Variants in VTI1A observed in about 807,000 individuals in gnomAD.
The protein encoded by VTI1A is vesicle transport through interaction with t-SNAREs 1A.
A neutral mutation model predicts 34.9 loss-of-function variants in VTI1A; 22 were observed. The ratio of observed to expected loss-of-function variants is 0.63; its 90% CI spans 0.45 to 0.90. The LOEUF (loss-of-function observed/expected upper bound fraction) is 0.90, where lower values mean the gene tolerates loss of function less well. Ranked by LOEUF, VTI1A falls within the 40% of genes least tolerant of loss-of-function variation. The pLI is 0.00. For synonymous variants in VTI1A, 87 were observed against 97.3 expected (o/e 0.89, Z 0.62); for missense variants, 268 against 275.6 (o/e 0.97, Z 0.20).
the VTI1A span, among the ~76,000 whole-genome samples, chr10:112,830,605 G>T: frequency 6.7e-6 from 1 of 150,312 alleles, no homozygotes; most frequent in East Asian, 2.0e-4. Context: ...CATCATCCAC[G>T]TTATGTGGAT....
chr10:112,455,563 C>T (rs955557659), intron 1 of VTI1A, among the ~76,000 whole-genome samples: 6 of 121,644 alleles, frequency 4.9e-5, no homozygotes, highest in Non-Finnish European at 8.6e-5. Context: ...TTCCTTCCTT[C>T]CTTCTCTGCT....
intron 5 of VTI1A, among the ~76,000 whole-genome samples, chr10:112,593,090 C>T (rs996834755): frequency 2.6e-5 from 4 of 152,228 alleles, no homozygotes; most frequent in Non-Finnish European, 5.9e-5. Flanking sequence ...TCTCCTCTCC[C>T]ATCTTCCTAA....
chr10:112,666,096 G>A (rs762020102), intron 5 of VTI1A, among the ~76,000 whole-genome samples: 1 of 152,126 alleles, frequency 6.6e-6, no homozygotes, highest in Admixed American at 6.5e-5. Flanking sequence ...GAATATTGTT[G>A]TGCAAGAAAA....
intron 7 of VTI1A, among the ~76,000 whole-genome samples, chr10:112,814,856 A>G (rs1355064184): frequency 2.0e-5 from 3 of 152,146 alleles, no homozygotes; most frequent in Non-Finnish European, 4.4e-5. Flanking sequence ...TGTGCAGGTA[A>G]GTACATTGCT....
At chr10:112,786,943 C>A (rs930406115) in intron 7 of VTI1A, among the ~76,000 whole-genome samples, 49 of 152,254 alleles carry the variant, frequency 3.2e-4, no homozygotes, top group African/African-American at 1.2e-3. Context: ...GGCATAGTCT[C>A]TCCATTATTT....
At chr10:112,495,196 C>CTTTTTT (rs751870581) in intron 3 of VTI1A, among the ~76,000 whole-genome samples, 9 of 79,016 alleles carry the variant, frequency 1.1e-4, no homozygotes, top group African/African-American at 2.0e-4. Context: ...CAGTAATGGT[C>CTTTTTT]TTTTTTTTTT....
intron 7 of VTI1A, among the ~76,000 whole-genome samples, chr10:112,679,719 ACTGCCCAC>A (rs767485480): frequency 2.0e-5 from 3 of 151,950 alleles, no homozygotes; most frequent in Non-Finnish European, 4.4e-5. Flanking sequence ...AAGCTATTCC[ACTGCCCAC>A]CTATCTTCCA....
intron 7 of VTI1A, among the ~76,000 whole-genome samples, chr10:112,796,394 A>G (rs1199959285): frequency 8.2e-6 from 1 of 121,368 alleles, no homozygotes; most frequent in Non-Finnish European, 1.8e-5. Flanking sequence ...CCCCAGAGCA[A>G]GACTCCGTCA....
intron 5 of VTI1A, among the ~76,000 whole-genome samples, chr10:112,542,123 T>G (rs537937354): frequency 6.6e-6 from 1 of 152,314 alleles, no homozygotes; most frequent in South Asian, 2.1e-4. Flanking sequence ...AAATGATGAT[T>G]CTTCTTTTCT....
At chr10:112,583,694 G>A (rs1051124370) in intron 5 of VTI1A, among the ~76,000 whole-genome samples, 6 of 152,152 alleles carry the variant, frequency 3.9e-5, no homozygotes, top group Middle Eastern at 3.2e-3. Flanking sequence ...CAGTTCACCA[G>A]GCAAGTACAA....
At chr10:112,683,800 T>C (rs1187543172) in intron 7 of VTI1A, among the ~76,000 whole-genome samples, 1 of 152,204 alleles carries the variant, frequency 6.6e-6, no homozygotes, top group Non-Finnish European at 1.5e-5. Flanking sequence ...CCCAGCACTT[T>C]GGGAGGCCGA....
In VTI1A at chr10:112,664,686, T is replaced by C. The variant is rs372456674; in HGVS notation, c.428-3532T>C. Among the ~76,000 whole-genome samples, 5 of 152,272 alleles carry C rather than the reference T, an allele frequency of 3.3e-5. No individual in the cohort carries two copies. In the East Asian group the frequency reaches 9.7e-4, roughly 29 times the overall value. ...TTAGCCAAAAACCCTTTTGCACGTG[T>C]GTTTCTCTATAAAAAGGGGCTATGG... On this transcript the variant is annotated intron_variant, in intron 5 of 7. Coordinates refer to ENST00000393077, the MANE Select transcript of VTI1A (RefSeq NM_145206.4).
intron 7 of VTI1A, among the ~76,000 whole-genome samples, chr10:112,736,329 T>G (rs1850470310): frequency 6.6e-6 from 1 of 151,976 alleles, no homozygotes; most frequent in South Asian, 2.1e-4. Context: ...ACCACTAGAT[T>G]GTAAGCTATG....
intron 7 of VTI1A, among the ~76,000 whole-genome samples, chr10:112,744,113 T>G (rs532217655): frequency 8.2e-4 from 125 of 152,318 alleles, no homozygotes; most frequent in Middle Eastern, 6.8e-3. Context: ...TGTTTTCTAC[T>G]TACGGAAATG....
the VTI1A span, among the ~76,000 whole-genome samples, chr10:112,830,849 A>ATATATATATATTTTTTTTTTTTTTT: frequency 3.0e-5 from 1 of 33,512 alleles, no homozygotes; most frequent in African/African-American, 1.4e-4. Context: ...ATATATATAT[A>ATATATATATATTTTTTTTTTTTTTT]TTTTTTTTTT....
Position 112,447,250 on chromosome 10 carries a change from C to T in VTI1A, c.-124C>T. On this transcript the variant is annotated 5_prime_UTR_variant, in exon 1 of 8. Transcript: ENST00000393077. The stretch of plus-strand genomic sequence containing the variant: ...GAAGCGGCTGGGTTGAGAGCTGTCC[C>T]CGGTTCTCCGTTCTGCTCTCGGGGG... 1 of 1,027,432 alleles carries T rather than the reference C, an allele frequency of 9.7e-7. No homozygotes were observed. 63.6% of individuals were successfully genotyped at this position (1,027,432 alleles called of 1,614,324 possible). A position where few individuals can be genotyped will look rare whatever the true frequency, so the allele number is the denominator to read the frequency against.
chr10:112,699,891 C>T lies in VTI1A; in HGVS notation c.560+30893C>T, dbSNP rs560127076. On this transcript the variant is annotated intron_variant, in intron 7 of 7. Transcript: ENST00000393077. ...ATCCCAGCACTTTGGGAGGCCAAGG[C>T]GGGTGGATCACGAGGTCAGGAGTTC... is the stretch of plus-strand genomic sequence containing the variant. Among the ~76,000 whole-genome samples the T allele has an allele frequency of 1.0e-3, 152 of 151,348 alleles. 1 individual carries two copies. Among genetic ancestry groups the T allele is most frequent in the African/African-American group, 3.5e-3 (146 of 41,238 alleles).
chr10:112,693,937 G>A (rs533845256), intron 7 of VTI1A, among the ~76,000 whole-genome samples: 3 of 152,122 alleles, frequency 2.0e-5, no homozygotes, highest in African/African-American at 4.8e-5. Flanking sequence ...TGCGAGGCTC[G>A]GTGGCTCACC....
At chr10:112,754,343 AC>A (rs1851207470) in intron 7 of VTI1A, among the ~76,000 whole-genome samples, 1 of 152,028 alleles carries the variant, frequency 6.6e-6, no homozygotes, top group South Asian at 2.1e-4. Flanking sequence ...CTCTACCATG[AC>A]TGACTCCTGC....
Sources: gnomAD v4.1 joint callset for allele counts (sites outside exome capture counted in the v4.1 genomes callset) on GRCh38, gnomAD v4.1.1 for gene constraint, MANE v1.5 for transcripts, NCBI Gene and HGNC (gene_info 2026-07-23, HGNC 2026-07-21) for gene names.